Variants in NCKAP5 observed in about 807,000 individuals in gnomAD.
NCKAP5 encodes nck-associated protein 5.
Under a neutral mutation model 167.0 loss-of-function variants are expected in NCKAP5, and 92 were observed. The observed-to-expected ratio is 0.55, with a 90% CI of 0.47 to 0.66. The LOEUF is 0.66. Ranked by LOEUF, NCKAP5 falls within the 30% of genes least tolerant of loss-of-function variation. NCKAP5 has a pLI of 0.00. For synonymous variants in NCKAP5, 891 were observed against 877.4 expected, an observed-to-expected ratio of 1.02 and a Z score of -0.27; for missense variants, 2,378 against 2,315.0, an observed-to-expected ratio of 1.03 and a Z score of -0.56.
chr2:132,829,895 T>G (rs1687398348), intron 11 of NCKAP5, among the ~76,000 whole-genome samples: 1 of 152,206 alleles, frequency 6.6e-6, no homozygotes, highest in African/African-American at 2.4e-5. Context: ...TCATTAGGTT[T>G]GTTTGTGGCT....
intron 3 of NCKAP5, among the ~76,000 whole-genome samples, chr2:133,384,066 TC>T (rs1193440267): frequency 6.6e-6 from 1 of 152,212 alleles, no homozygotes; most frequent in Non-Finnish European, 1.5e-5. Flanking sequence ...TTTAATTAGA[TC>T]CCATTTGTCA....
At chr2:133,180,101 T>C (rs1409711884) in intron 5 of NCKAP5, among the ~76,000 whole-genome samples, 7 of 151,922 alleles carry the variant, frequency 4.6e-5, no homozygotes, top group Admixed American at 1.3e-4. Context: ...AATGACACCA[T>C]ACCTACAGGG....
At chr2:133,252,733 A>C (rs2088411782) in intron 4 of NCKAP5, among the ~76,000 whole-genome samples, 1 of 152,164 alleles carries the variant, frequency 6.6e-6, no homozygotes, top group Non-Finnish European at 1.5e-5. Flanking sequence ...CCAAAGACAA[A>C]TGGAGAAAGC....
intron 13 of NCKAP5, among the ~76,000 whole-genome samples, chr2:132,787,708 T>G (rs904846750): frequency 6.6e-6 from 1 of 152,190 alleles, no homozygotes. Flanking sequence ...TCCTCTTCCC[T>G]GTACCATTAC....
At chr2:133,037,113 A>T (rs2079063778) in intron 6 of NCKAP5, among the ~76,000 whole-genome samples, 1 of 152,126 alleles carries the variant, frequency 6.6e-6, no homozygotes, top group African/African-American at 2.4e-5. Context: ...AGAGCTCTAT[A>T]ATAAAAACTA....
At chr2:133,519,015 A>G (rs1355919545) in intron 2 of NCKAP5, among the ~76,000 whole-genome samples, 1 of 152,196 alleles carries the variant, frequency 6.6e-6, no homozygotes, top group Non-Finnish European at 1.5e-5. Context: ...AATTGGAAAG[A>G]AATATGTTCC....
At chr2:133,558,597 T>C (rs1687917152) in intron 2 of NCKAP5, among the ~76,000 whole-genome samples, 2 of 148,512 alleles carry the variant, frequency 1.3e-5, no homozygotes, top group African/African-American at 2.5e-5. Context: ...TACTTCAAAT[T>C]AGCAGTTCTA....
intron 3 of NCKAP5, among the ~76,000 whole-genome samples, chr2:133,458,752 G>C (rs1292507349): frequency 6.6e-6 from 1 of 152,124 alleles, no homozygotes; most frequent in Admixed American, 6.5e-5. Flanking sequence ...GTGGCAGGAG[G>C]GGGATGAAGA....
chr2:133,177,873 C>T (rs546378929), intron 5 of NCKAP5, among the ~76,000 whole-genome samples: 23 of 152,304 alleles, frequency 1.5e-4, no homozygotes, highest in African/African-American at 5.1e-4. Flanking sequence ...AACAATTCCC[C>T]GTTGGGGTGG....
the NCKAP5 span, among the ~76,000 whole-genome samples, chr2:133,574,900 C>T: frequency 2.6e-5 from 4 of 152,138 alleles, no homozygotes; most frequent in African/African-American, 7.2e-5. Flanking sequence ...AACACCTGTC[C>T]AGGCACAGGG....
At chr2:133,403,186 T>C (rs185413277) in intron 3 of NCKAP5, among the ~76,000 whole-genome samples, 1 of 152,328 alleles carries the variant, frequency 6.6e-6, no homozygotes, top group Non-Finnish European at 1.5e-5. Context: ...GCAAAAACTC[T>C]TTTTCAAGAC....
At chr2:133,209,387 C>G (rs149786998) in intron 5 of NCKAP5, among the ~76,000 whole-genome samples, 3 of 147,020 alleles carry the variant, frequency 2.0e-5, no homozygotes, top group Non-Finnish European at 4.5e-5. Flanking sequence ...ATCTAGTATG[C>G]TGAGGAAAGT....
chr2:132,995,778 C>A (rs2077579192), intron 6 of NCKAP5, among the ~76,000 whole-genome samples: 1 of 151,904 alleles, frequency 6.6e-6, no homozygotes, highest in Admixed American at 6.6e-5. Flanking sequence ...AGTTCAAGAG[C>A]AGCCTGGCCA....
chr2:133,050,445 CT>C (rs2079562014), intron 6 of NCKAP5, among the ~76,000 whole-genome samples: 1 of 152,032 alleles, frequency 6.6e-6, no homozygotes, highest in South Asian at 2.1e-4. Flanking sequence ...AATGAGTAAA[CT>C]TTGCACGATT....
chr2:133,656,380 A>G, the NCKAP5 span, among the ~76,000 whole-genome samples: 25 of 152,346 alleles, frequency 1.6e-4, no homozygotes, highest in African/African-American at 6.0e-4. Flanking sequence ...TGTTACAACA[A>G]TGCCTGACAC....
the NCKAP5 span, among the ~76,000 whole-genome samples, chr2:133,663,272 C>CAAAAA: frequency 1.0e-5 from 1 of 98,102 alleles, no homozygotes; most frequent in African/African-American, 3.5e-5. Context: ...GACTCCGTCT[C>CAAAAA]AAAAAAAAAA....
At chr2:133,251,379 T>G (rs2088317919) in intron 4 of NCKAP5, among the ~76,000 whole-genome samples, 2 of 152,098 alleles carry the variant, frequency 1.3e-5, no homozygotes, top group African/African-American at 4.8e-5. Context: ...CAGACAAATT[T>G]TTTTTTTACC....
chr2:132,795,250 C>G (rs1425510841), intron 12 of NCKAP5, among the ~76,000 whole-genome samples: 1 of 152,072 alleles, frequency 6.6e-6, no homozygotes, highest in Admixed American at 6.5e-5. Flanking sequence ...GCAGAGCTCC[C>G]AGAGATACAC....
the NCKAP5 span, among the ~76,000 whole-genome samples, chr2:133,645,171 C>T: frequency 6.6e-6 from 1 of 152,140 alleles, no homozygotes; most frequent in Admixed American, 6.6e-5. Context: ...CATATGGTAA[C>T]AGTAAAAGCA....
Sources: gnomAD v4.1 joint callset for allele counts (sites outside exome capture counted in the v4.1 genomes callset) on GRCh38, gnomAD v4.1.1 for gene constraint, MANE v1.5 for transcripts, NCBI Gene and HGNC (gene_info 2026-07-23, HGNC 2026-07-21) for gene names.